PREX1: variants seen among roughly 807,000 people sequenced by gnomAD.
PREX1 encodes phosphatidylinositol-3,4,5-trisphosphate dependent Rac exchange factor 1.
Under a neutral mutation model 198.3 loss-of-function variants are expected in PREX1, and 41 were observed. That is an observed-to-expected ratio of 0.21 (90% confidence interval 0.16 to 0.27). The LOEUF (loss-of-function observed/expected upper bound fraction) is 0.27, where lower values mean the gene tolerates loss of function less well. Ranked by LOEUF, PREX1 falls within the 10% of genes least tolerant of loss-of-function variation. The pLI, the probability that PREX1 is intolerant of heterozygous loss-of-function variation, is 1.00. For missense variants in PREX1, 1,620 were observed against 2,200.7 expected, an observed-to-expected ratio of 0.74 and a Z score of 5.28; for synonymous variants, 843 against 887.2, an observed-to-expected ratio of 0.95 and a Z score of 0.89.
chr20:48,676,904 C>T (rs1258087930), intron 13 of PREX1, among the ~76,000 whole-genome samples: 2 of 152,338 alleles, frequency 1.3e-5, no homozygotes, highest in East Asian at 3.9e-4. Flanking sequence ...AGCACAGAGG[C>T]CTGTGAGTTT....
chr20:48,660,701 G>A (rs2089584261), intron 15 of PREX1, among the ~76,000 whole-genome samples: 1 of 152,222 alleles, frequency 6.6e-6, no homozygotes, highest in Non-Finnish European at 1.5e-5. Flanking sequence ...GATGGCAGAT[G>A]TGAAGGTAAC....
chr20:48,862,790 A>AAAAAAAAAAATATATATAT, the PREX1 span, among the ~76,000 whole-genome samples: 1 of 102,542 alleles, frequency 9.8e-6, no homozygotes, highest in African/African-American at 4.4e-5. Flanking sequence ...TAAAAAAAAA[A>AAAAAAAAAAATATATATAT]ATATATATAT....
At chr20:48,660,490 A>G (rs977496075) in intron 15 of PREX1, among the ~76,000 whole-genome samples, 5 of 152,206 alleles carry the variant, frequency 3.3e-5, no homozygotes, top group African/African-American at 1.2e-4. Context: ...CAGGGGGGAA[A>G]AAAATTGAAT....
chr20:48,635,022 C>T (rs2089351252), intron 32 of PREX1, among the ~76,000 whole-genome samples: 1 of 152,192 alleles, frequency 6.6e-6, no homozygotes, highest in African/African-American at 2.4e-5. Context: ...AAGTCACTGC[C>T]TCTCTTGCCT....
At chr20:48,643,856 T>C (rs1486105382) in intron 27 of PREX1, among the ~76,000 whole-genome samples, 1 of 152,158 alleles carries the variant, frequency 6.6e-6, no homozygotes, top group Non-Finnish European at 1.5e-5. Context: ...TTTGTATTTT[T>C]AGTAGAGACG....
At chr20:48,630,614 G>A (rs1941041262) in intron 36 of PREX1, 114 bp downstream of exon 36, 1 of 888,068 alleles carries the variant, frequency 1.1e-6, no homozygotes, top group African/African-American at 1.6e-5. Context: ...GGGTCTCAAG[G>A]GCTTTGGGGC....
intron 1 of PREX1, among the ~76,000 whole-genome samples, chr20:48,789,786 T>G (rs1029027243): frequency 6.6e-6 from 1 of 152,034 alleles, no homozygotes; most frequent in Admixed American, 6.5e-5. Context: ...GATACTGAAA[T>G]GAGTATATTG....
intron 14 of PREX1, among the ~76,000 whole-genome samples, chr20:48,675,509 A>G (rs1164149850): frequency 6.6e-6 from 1 of 152,240 alleles, no homozygotes; most frequent in Admixed American, 6.5e-5. Context: ...CAGTAAAATG[A>G]GCCAGGCACA....
intron 1 of PREX1, among the ~76,000 whole-genome samples, chr20:48,752,579 C>A (rs553778850): frequency 6.6e-6 from 1 of 152,270 alleles, no homozygotes; most frequent in South Asian, 2.1e-4. Context: ...CAGGACCTGG[C>A]ATGAAAAGAC....
At chr20:48,682,807 C>G (rs759202226) in intron 10 of PREX1, among the ~76,000 whole-genome samples, 1 of 152,124 alleles carries the variant, frequency 6.6e-6, no homozygotes, top group Non-Finnish European at 1.5e-5. Context: ...CTGTTTCCGC[C>G]GAGGCAATCT....
At chr20:48,661,715 G>A (rs909411027) in intron 15 of PREX1, among the ~76,000 whole-genome samples, 2 of 151,308 alleles carry the variant, frequency 1.3e-5, no homozygotes, top group African/African-American at 4.9e-5. Flanking sequence ...AAGTTCATCT[G>A]CTCCTTGGAT....
At position 48,684,308 on chromosome 20, in the gene PREX1, C is replaced by T. The variant is rs904201840; in HGVS notation, c.1335-2973G>A. Among the ~76,000 whole-genome samples the T allele has an allele frequency of 6.6e-6, 1 of 152,188 alleles. No homozygotes were observed. Among genetic ancestry groups the T allele is most frequent in the African/African-American group, 2.4e-5 (1 of 41,458 alleles). On this transcript the variant is annotated intron_variant, in intron 10 of 39. Transcript: ENST00000371941. This position sits in a 1 kb window ranked among gnomAD's most constrained non-coding sequence, Gnocchi z 4.2. ...ATCCCTTGTTCTTGCCTGATTCCTC[C>T]ATGGGCCGTGGGCTCCAAGAGGGTA...
chr20:48,796,773 T>C (rs1467554160), intron 1 of PREX1, among the ~76,000 whole-genome samples: 4 of 147,270 alleles, frequency 2.7e-5, no homozygotes, highest in Admixed American at 6.8e-5. Flanking sequence ...TATATAGTTA[T>C]ATATACAGTT....
chr20:48,865,404 C>G, the PREX1 span, among the ~76,000 whole-genome samples: 1 of 152,190 alleles, frequency 6.6e-6, no homozygotes, highest in African/African-American at 2.4e-5. Flanking sequence ...CAGGTCCGTG[C>G]TTGCAAAGAA....
intron 25 of PREX1, 54 bp downstream of exon 25, chr20:48,649,246 A>G: frequency 6.3e-7 from 1 of 1,578,624 alleles, no homozygotes; most frequent in Non-Finnish European, 8.6e-7. Context: ...CAGTAAGGCC[A>G]GGATTGAGAA....
At chr20:48,816,100 C>T (rs1731338229) in intron 1 of PREX1, among the ~76,000 whole-genome samples, 1 of 151,788 alleles carries the variant, frequency 6.6e-6, no homozygotes, top group African/African-American at 2.4e-5. Context: ...GTCTTACCAG[C>T]GAGGAAACCA....
At chr20:48,886,908 C>T in the PREX1 span, among the ~76,000 whole-genome samples, 1 of 152,206 alleles carries the variant, frequency 6.6e-6, no homozygotes, top group Admixed American at 6.5e-5. Flanking sequence ...CTGTTGATCT[C>T]TCTGTTGTTC....
chr20:48,819,202 G>A (rs1704759830), intron 1 of PREX1, among the ~76,000 whole-genome samples: 1 of 152,072 alleles, frequency 6.6e-6, no homozygotes, highest in Admixed American at 6.5e-5. Flanking sequence ...AACCCAAACT[G>A]CTCACCATGC....
At chr20:48,880,403 G>A in the PREX1 span, among the ~76,000 whole-genome samples, 1 of 152,120 alleles carries the variant, frequency 6.6e-6, no homozygotes, top group East Asian at 1.9e-4. Flanking sequence ...TCTAGAGAGA[G>A]GAAACCCAGA....
Sources: allele counts gnomAD v4.1 joint callset (sites outside exome capture counted in the v4.1 genomes callset), GRCh38; gene constraint gnomAD v4.1.1; non-coding constraint Gnocchi (gnomAD v3.1); transcripts MANE v1.5; gene names NCBI Gene and HGNC (gene_info 2026-07-23, HGNC 2026-07-21).